The following STRC variants were observed in gnomAD, a reference collection of about 807,000 sequenced individuals.
STRC encodes stereocilin.
In STRC, 43 loss-of-function variants were observed where a neutral mutation model predicts 103.5. The observed-to-expected ratio is 0.42, with a 90% confidence interval of 0.33 to 0.54. STRC has a LOEUF of 0.54. Among genes scored for constraint, STRC ranks in the 20% least tolerant of loss-of-function variants. STRC has a pLI of 0.14. For missense variants in STRC, 499 were observed against 1,088.5 expected (o/e 0.46, Z 7.62); for synonymous variants, 186 against 442.3 (o/e 0.42, Z 7.27).
rs2614833 is a variant in STRC, at chr15:43,605,399, C to T, written c.3795G>A (p.Pro1265=). The T allele has an allele frequency of 9.4e-5, 150 of 1,600,766 alleles. 3 individuals are homozygous for T. In the South Asian group the frequency reaches 1.1e-3, roughly 12 times the overall value. Reference sequence around the variant, plus strand: ...TGGATAGTCTGTCCATCAACTGGATCCTATTACAGCAATTTGACAACAACA... The same window carrying T: ...TGGATAGTCTGTCCATCAACTGGATTCTATTACAGCAATTTGACAACAACA... ...GLDSKLLLDL[P]IQLMDRLSNE... Residue 1265 remains proline (P), a splice_region_variant and synonymous_variant, in exon 19 of 29, where the codon CCG becomes CCA. Coordinates refer to ENST00000450892, the MANE Select transcript of STRC (RefSeq NM_153700.2).
At chr15:43,603,883 C>G (rs1396542407) in intron 22 of STRC, 113 bp downstream of exon 22, 1 of 1,562,850 alleles carries the variant, frequency 6.4e-7, no homozygotes, top group African/African-American at 1.4e-5. Flanking sequence ...CCTCTAAACT[C>G]TTTGCTTTAT....
chr15:43,605,089 A>C, intron 19 of STRC, 175 bp downstream of exon 19: 1 of 1,225,964 alleles, frequency 8.2e-7, no homozygotes, highest in Non-Finnish European at 1.2e-6. Flanking sequence ...AACGTGAAGC[A>C]TATTATCAAG....
chr15:43,602,950 A>G (rs1285679984), intron 23 of STRC, among the ~76,000 whole-genome samples: 1 of 151,794 alleles, frequency 6.6e-6, no homozygotes, highest in Non-Finnish European at 1.5e-5. Context: ...CAGCCGAAGC[A>G]TGCCATTATT....
rs2141526368 is a variant in STRC at position 43,608,183 on chromosome 15, C to G, written c.3578G>C (p.Gly1193Ala). The change falls in exon 17 of 29, where the codon GGA becomes GCA. Residue 1193 changes from glycine to alanine, a missense_variant. Gly to Ala is a moderately conservative substitution (Grantham distance 60). Transcript: ENST00000450892. ...RNLQALGTLA[G>A]GMSCEFLQQI... ...CTGCAGAAACTCACAGGACATGCCT[C>G]CTGCCAGGGTGCCCAGAGCCCTGTG... The G allele has an allele frequency of 5.6e-6, 9 of 1,599,926 alleles. No homozygotes were observed. The East Asian group carries it at 2.0e-4, about 36-fold the overall frequency.
In STRC at chr15:43,618,021, C is replaced by CA; in HGVS notation, c.399_400insT (p.Ala134CysfsTer31). On this transcript the variant is annotated frameshift_variant, in exon 2 of 29. Transcript: ENST00000450892. LOFTEE classifies it high-confidence loss of function. Reference sequence around the variant, plus strand: ...TCCACAAGTCCACCCAGCACCCCTGCCTGGTGCACCAGGAAATCTCGGGGA... The same window carrying CA: ...TCCACAAGTCCACCCAGCACCCCTGCACTGGTGCACCAGGAAATCTCGGGGA... The CA allele has an allele frequency of 3.1e-6, 5 of 1,595,778 alleles. No homozygotes were observed. The highest frequency in any genetic ancestry group is 4.3e-6 in the Non-Finnish European group (5 of 1,169,974).
intron 14 of STRC, 178 bp downstream of exon 14, chr15:43,610,741 C>G (rs1205607347): frequency 1.9e-5 from 17 of 887,342 alleles, no homozygotes; most frequent in Non-Finnish European, 2.8e-5. Flanking sequence ...TGACATTAGT[C>G]TAGGACAATG....
intron 24 of STRC, 62 bp downstream of exon 24, chr15:43,601,334 C>G: frequency 1.2e-6 from 2 of 1,607,798 alleles, no homozygotes; most frequent in East Asian, 2.2e-5. Context: ...TTTAGATGAT[C>G]TATAGGGCTG....
chr15:43,603,169 A>T (rs1463576609), intron 23 of STRC, 73 bp downstream of exon 23: 6 of 1,535,392 alleles, frequency 3.9e-6, no homozygotes, highest in Non-Finnish European at 5.4e-6. Flanking sequence ...CCAACTCTCC[A>T]TTCTCTTTGT....
In STRC at chr15:43,601,446, A is replaced by T. The variant is rs1188539457; in HGVS notation, c.4651T>A (p.Trp1551Arg). 6.2e-7 allele frequency: 1 copy of T among 1,613,754 alleles called. No individual in the cohort carries two copies. The highest frequency in any genetic ancestry group is 1.7e-5 in the Admixed American group (1 of 59,992). ...TGCCCCAGGGTGCTCAGCACTCCCCAGTCCACTAGGATCAGCTCCTGTAGT... is the reference window on the plus strand; with the variant it reads ...TGCCCCAGGGTGCTCAGCACTCCCCTGTCCACTAGGATCAGCTCCTGTAGT... ...RELQELILVD[W>R]GVLSTLGQID... The change falls in exon 24 of 29, where the codon TGG (tryptophan) becomes AGG (arginine). Residue 1551 changes from tryptophan to arginine, a missense_variant. Transcript: ENST00000450892.
rs369203282 is a variant in STRC, at chr15:43,604,764, C to T, written c.4013G>A (p.Arg1338Gln). The T allele has an allele frequency of 5.6e-5, 91 of 1,613,388 alleles. No homozygotes were observed. The African/African-American group carries it at 6.8e-4, about 12-fold the overall frequency. ...CAGCAGGATCTGTAGGGGGATCTGT[C>T]GTGTGCTCTCTGTCCCCAGGAATCC... is the stretch of plus-strand genomic sequence containing the variant. Reference protein sequence around the residue: ...LVGFLGTESTRQIPLQILLSH... With the variant: ...LVGFLGTESTQQIPLQILLSH... The change falls in exon 20 of 29, where the codon CGA becomes CAA. Residue 1338 changes from arginine to glutamine, a missense_variant. Arg to Gln is a conservative substitution (Grantham distance 43, BLOSUM62 1). Transcript: ENST00000450892.
intron 16 of STRC, among the ~76,000 whole-genome samples, chr15:43,608,760 G>A (rs190521522): frequency 6.9e-6 from 1 of 145,032 alleles, no homozygotes; most frequent in Admixed American, 6.9e-5. Context: ...GAAGCCCATT[G>A]TTCTTCTAAT....
chr15:43,606,619 C>CAAAT (rs1247420178), intron 18 of STRC, among the ~76,000 whole-genome samples: 2 of 129,120 alleles, frequency 1.5e-5, no homozygotes, highest in Non-Finnish European at 3.3e-5. Context: ...AATAAATAAA[C>CAAAT]AAATAAATAA....
chr15:43,602,728 T>C (rs1595958087), intron 23 of STRC: 1 of 156,680 alleles, frequency 6.4e-6, no homozygotes, highest in Non-Finnish European at 1.3e-5. Flanking sequence ...CACTGCAAGC[T>C]CCCCCTCCCA....
intron 23 of STRC, among the ~76,000 whole-genome samples, chr15:43,602,234 G>C (rs992410569): frequency 1.3e-5 from 2 of 151,716 alleles, no homozygotes; most frequent in African/African-American, 4.8e-5. Context: ...AGGCTGGAGG[G>C]CAGTGGTGCG....
At chr15:43,609,196 T>A in intron 16 of STRC, 80 bp downstream of exon 16, 1 of 1,450,136 alleles carries the variant, frequency 6.9e-7, no homozygotes, top group South Asian at 1.1e-5. Context: ...CCATTCCATA[T>A]CACATGGTGC....
Position 43,600,670 on chromosome 15 carries a change from G to T in STRC, c.4857C>A (p.Leu1619=). Residue 1619 remains leucine, a synonymous_variant, in exon 26 of 29, where the codon CTC becomes CTA. Transcript: ENST00000450892. ...ISSWEFSQAA[L]FLGTLHLQCS... ...ACTGGAGATGCAGGGTGCCGAGGAA[G>T]AGAGCTGCTTGGCTGTAGAACAGTA... is the stretch of plus-strand genomic sequence containing the variant. The T allele has an allele frequency of 6.2e-7, 1 of 1,613,662 alleles. No homozygotes were observed. Among genetic ancestry groups the T allele is most frequent in the Non-Finnish European group, 8.5e-7 (1 of 1,179,852 alleles).
At chr15:43,601,627 C>T (rs774444329) in intron 23 of STRC, 76 bp from the exon 24 acceptor site, 15 of 1,493,404 alleles carry the variant, frequency 1.0e-5, no homozygotes, top group Admixed American at 3.4e-5. Context: ...TAAGTCTTGC[C>T]TCTGCCCTTA....
In STRC at chr15:43,609,301, T is replaced by C; in HGVS notation, c.3532A>G (p.Thr1178Ala). Residue 1178 changes from threonine to alanine, a missense_variant, in exon 16 of 29, where the codon ACC becomes GCC. Physicochemically the swap from Thr to Ala is moderately conservative, Grantham distance 58. Coordinates refer to ENST00000450892, the MANE Select transcript of STRC (RefSeq NM_153700.2). ...TGCAGATTCCTGAGGGTAAGGTTGG[T>C]GGGTACTTGCATCTTCTTCCAGAGA... ...QFLWKKMQVP[T>A]NLTLRNLQAL... The C allele has an allele frequency of 1.9e-6, 3 of 1,610,286 alleles. No homozygotes were observed. The highest frequency in any genetic ancestry group is 2.5e-6 in the Non-Finnish European group (3 of 1,179,428).
Position 43,602,447 on chromosome 15 carries a change from G to C in STRC, c.4545+795C>G, listed in dbSNP as rs2085677658. The C allele has an allele frequency of 1.3e-5, 2 of 151,908 alleles. 1 individual carries two copies. Among genetic ancestry groups the C allele is most frequent in the African/African-American group, 4.8e-5 (2 of 41,286 alleles). The allele number at this position is 151,908 out of a possible 1,614,324, so 9.4% of individuals were successfully genotyped here. A position where few individuals can be genotyped will look rare whatever the true frequency, so the allele number is the denominator to read the frequency against. On this transcript the variant is annotated intron_variant, in intron 23 of 28. Coordinates refer to ENST00000450892, the MANE Select transcript of STRC (RefSeq NM_153700.2). ...AATCCACCTGCCTCCGCCTCCCAAA[G>C]TGCTGTGATTACAGGCATGAGTCAC...
Sources: gnomAD v4.1 joint callset for allele counts (sites outside exome capture counted in the v4.1 genomes callset) on GRCh38, gnomAD v4.1.1 for gene constraint, MANE v1.5 for transcripts, NCBI Gene and HGNC (gene_info 2026-07-23, HGNC 2026-07-21) for gene names.